The following MED24 variants were observed in gnomAD, a reference collection of about 807,000 sequenced individuals.
The protein encoded by MED24 is mediator complex subunit 24.
In MED24, 74 loss-of-function variants were observed where a neutral mutation model predicts 118.8. The observed-to-expected ratio is 0.62, with a 90% confidence interval of 0.52 to 0.76. The LOEUF is 0.76. Ranked by LOEUF, MED24 falls within the 30% of genes least tolerant of loss-of-function variation. The probability of loss-of-function intolerance (pLI) is 0.00; values close to 1 mark genes in which losing one functional copy is unlikely to be tolerated. For synonymous variants in MED24, 521 were observed against 523.9 expected (o/e 0.99, Z 0.08); for missense variants, 1,041 against 1,278.9 (o/e 0.81, Z 2.84).
chr17:40,026,928 C>T lies in MED24; in HGVS notation c.1637G>A (p.Cys546Tyr). The T allele has an allele frequency of 6.2e-7, 1 of 1,614,170 alleles. No individual in the cohort carries two copies. Among genetic ancestry groups the T allele is most frequent in the African/African-American group, 1.3e-5 (1 of 75,046 alleles). ...CACTTTGGTGGAGTCGGGGCGGAAG[C>T]AGGGGTGGTCAGGGTTCAGGATCTT... ...EGKILNPDHP[C>Y]FRPDSTKVES... The change falls in exon 17 of 26, where the codon TGC becomes TAC. Residue 546 changes from cysteine (C) to tyrosine (Y), a missense_variant. By Grantham distance (194) the Cys-to-Tyr change is radical. This residue lies in a region of MED24 where 587 missense variants were observed against 694.4 expected (regional missense o/e 0.85). Transcript: ENST00000394128.
intron 3 of MED24, among the ~76,000 whole-genome samples, chr17:40,046,354 G>C (rs1469610849): frequency 1.3e-5 from 2 of 149,550 alleles, no homozygotes; most frequent in Non-Finnish European, 3.0e-5. Flanking sequence ...AAAGTTCCTG[G>C]GATTACAGGC....
intron 3 of MED24, among the ~76,000 whole-genome samples, chr17:40,048,866 T>C (rs1985524965): frequency 6.6e-6 from 1 of 152,052 alleles, no homozygotes; most frequent in Admixed American, 6.5e-5. Context: ...ATAATATATA[T>C]GTTTTAATAT....
At chr17:40,022,162 G>A in intron 22 of MED24, 108 bp from the exon 23 acceptor site, 1 of 972,280 alleles carries the variant, frequency 1.0e-6, no homozygotes. Flanking sequence ...TGGCTAGCAG[G>A]GCCTCAGCCC....
intron 1 of MED24, 152 bp from the exon 2 acceptor site, chr17:40,053,787 A>G (rs778563896): frequency 7.9e-6 from 8 of 1,018,192 alleles, no homozygotes; most frequent in Non-Finnish European, 1.0e-5. Flanking sequence ...ATAAAGTAAG[A>G]TCCTGTCAGA....
chr17:40,028,115 T>TG lies in MED24; in HGVS notation c.1410-170_1410-169insC, dbSNP rs72310346. ...AGGTTTTTGTGGTTTTTGTTTTTTGTTTTTTTTTTGTTTTTTTTGAGAAAG... is the reference window on the plus strand; with the variant it reads ...AGGTTTTTGTGGTTTTTGTTTTTTGTGTTTTTTTTTGTTTTTTTTGAGAAAG... On this transcript the variant is annotated intron_variant, in intron 14 of 25. Transcript: ENST00000394128. The TG allele has an allele frequency of 1.8e-3, 1,047 of 594,160 alleles. 8 individuals carry two copies. The African/African-American group carries it at 0.02, about 11-fold the overall frequency. 36.8% of individuals were successfully genotyped at this position (594,160 alleles called of 1,614,324 possible).
At chr17:40,026,066 G>T in intron 19 of MED24, 90 bp downstream of exon 19, 1 of 1,369,708 alleles carries the variant, frequency 7.3e-7, no homozygotes. Flanking sequence ...TGTTTGCGAA[G>T]GTCAGAAAAG....
intron 3 of MED24, among the ~76,000 whole-genome samples, chr17:40,050,889 C>A (rs1427261622): frequency 6.6e-6 from 1 of 152,186 alleles, no homozygotes; most frequent in Non-Finnish European, 1.5e-5. Context: ...ATAATCCCAG[C>A]ACTTTGGGAG....
At chr17:40,026,357 C>T in intron 18 of MED24, 26 bp from the exon 19 acceptor site, 1 of 1,605,898 alleles carries the variant, frequency 6.2e-7, no homozygotes. Context: ...AGGTGATGGG[C>T]TACCATCTAT....
At chr17:40,032,981 C>G in intron 8 of MED24, 75 bp downstream of exon 8, 3 of 1,578,774 alleles carry the variant, frequency 1.9e-6, no homozygotes, top group Non-Finnish European at 2.6e-6. Context: ...CCAGGGAGAA[C>G]CAGAAGAATC....
intron 3 of MED24, among the ~76,000 whole-genome samples, chr17:40,038,582 A>G (rs2144937934): frequency 6.6e-6 from 1 of 152,098 alleles, no homozygotes; most frequent in African/African-American, 2.4e-5. Context: ...GTGGTGGCGC[A>G]TGCCTGTAAT....
chr17:40,019,687 G>A (rs1467534365), intron 25 of MED24, 42 bp from the exon 26 acceptor site: 2 of 1,580,362 alleles, frequency 1.3e-6, no homozygotes, highest in African/African-American at 1.3e-5. Context: ...ACGGCTGGTG[G>A]TGGGTGTGCT....
At chr17:40,029,011 ACC>A in intron 13 of MED24, 43 bp from the exon 14 acceptor site, 1 of 1,611,888 alleles carries the variant, frequency 6.2e-7, no homozygotes, top group Non-Finnish European at 8.5e-7. Context: ...AACACTGAAG[ACC>A]CCCCACCCAA....
chr17:40,028,758 C>G, intron 14 of MED24, 68 bp downstream of exon 14: 2 of 1,586,830 alleles, frequency 1.3e-6, no homozygotes, highest in Admixed American at 1.7e-5. Flanking sequence ...CTGACTCCTA[C>G]CCTGCTACCT....
At position 40,033,238 on chromosome 17, in the gene MED24, T is replaced by TG. The variant is rs752027812; in HGVS notation, c.672-33dup. 1.2e-6 allele frequency: 2 copies of TG among 1,613,078 alleles called. No homozygotes were observed. Among genetic ancestry groups the TG allele is most frequent in the South Asian group, 1.1e-5 (1 of 91,082 alleles). On this transcript the variant is annotated intron_variant, in intron 7 of 25. Coordinates refer to ENST00000394128, the MANE Select transcript of MED24 (RefSeq NM_014815.4). This position sits in a 1 kb window ranked among gnomAD's most constrained non-coding sequence, Gnocchi z 5.2. ...GGTCACAAACACAGGGGACGGTGTT[T>TG]GGGGGGCCAAAGGTGAAGGCGGAGA...
chr17:40,023,274 G>C lies in MED24; in HGVS notation c.2107C>G (p.Pro703Ala), dbSNP rs1002225288. Residue 703 changes from proline to alanine, a missense_variant, in exon 20 of 26, where the codon CCC becomes GCC. Around this residue, in one of 3 missense-constraint regions of MED24, gnomAD observed 587 missense variants for 694.4 expected, o/e 0.85. Coordinates refer to ENST00000394128, the MANE Select transcript of MED24 (RefSeq NM_014815.4). Reference protein sequence around the residue: ...DTMPYWNLLPPKRPIKEVLTD... With the variant: ...DTMPYWNLLPAKRPIKEVLTD... ...AGCACCTCTTTGATGGGCCGCTTGG[G>C]GGGCAGCAGGTTCCAGTAGGGCATT... 8 of 1,614,038 alleles carry C rather than the reference G, an allele frequency of 5.0e-6. No homozygotes were observed. The African/African-American group carries it at 6.7e-5, about 13-fold the overall frequency.
At chr17:40,027,278 GAACT>G in intron 16 of MED24, 101 bp downstream of exon 16, 1 of 1,350,148 alleles carries the variant, frequency 7.4e-7, no homozygotes, top group South Asian at 1.4e-5. Context: ...GAGGCCCACA[GAACT>G]AACTGGCTGA....
At position 40,033,813 on chromosome 17, in the gene MED24, C is replaced by G. The variant is rs528149191; in HGVS notation, c.560-357G>C. On this transcript the variant is annotated intron_variant, in intron 6 of 25. Coordinates refer to ENST00000394128, the MANE Select transcript of MED24 (RefSeq NM_014815.4). The surrounding 1 kb of genome is among the most constrained non-coding windows in gnomAD (Gnocchi z 5.2). ...GGCCACAAATCACTCGAGGAGTGAG[C>G]GGATCCCAAAGTCCAGTCTTGCAGA... 2.1e-6 allele frequency: 1 copy of G among 473,366 alleles called. No homozygotes were observed. The highest frequency in any genetic ancestry group is 1.6e-5 in the South Asian group (1 of 64,430). The allele number at this position is 473,366 out of a possible 1,614,324, so 29.3% of individuals were successfully genotyped here. A position where few individuals can be genotyped will look rare whatever the true frequency, so the allele number is the denominator to read the frequency against.
At chr17:40,044,708 A>G (rs139198796) in intron 3 of MED24, among the ~76,000 whole-genome samples, 2,356 of 151,292 alleles carry the variant, frequency 0.016, 42 homozygotes, top group Non-Finnish European at 0.026. Context: ...GATGAAACGC[A>G]TCTCTACTAA....
At chr17:40,050,151 CAAAAAAAA>C (rs530636875) in intron 3 of MED24, among the ~76,000 whole-genome samples, 2 of 74,104 alleles carry the variant, frequency 2.7e-5, no homozygotes, top group Non-Finnish European at 5.2e-5. Flanking sequence ...AACTCCGTCT[CAAAAAAAA>C]AAAAAAAAAA....
Sources: gnomAD v4.1 joint callset for allele counts (sites outside exome capture counted in the v4.1 genomes callset) on GRCh38, gnomAD v4.1.1 for gene constraint, gnomAD v4.1.1 regional missense constraint, Gnocchi (gnomAD v3.1) non-coding constraint, MANE v1.5 for transcripts, NCBI Gene and HGNC (gene_info 2026-07-23, HGNC 2026-07-21) for gene names.